The following ABI3BP variants were observed in gnomAD, a reference collection of about 807,000 sequenced individuals.
ABI3BP encodes ABI family member 3 binding protein, also known as target of Nesh-SH3.
A neutral mutation model predicts 268.6 loss-of-function variants in ABI3BP; 216 were observed. That is an observed-to-expected ratio of 0.80 (90% CI 0.72 to 0.90). ABI3BP has a LOEUF of 0.90. ABI3BP is among the 40% of genes least tolerant of loss of function. The probability of loss-of-function intolerance (pLI) is 0.00; values close to 1 mark genes in which losing one functional copy is unlikely to be tolerated. For synonymous variants in ABI3BP, 730 were observed against 730.0 expected (o/e 1.00, Z 0.00); for missense variants, 2,090 against 2,182.4 (o/e 0.96, Z 0.84).
chr3:100,943,972 A>C (rs35617051), intron 1 of ABI3BP, among the ~76,000 whole-genome samples: 15,711 of 152,162 alleles, frequency 0.1, 1,100 homozygotes, highest in Non-Finnish European at 0.15. Flanking sequence ...TCTTCTATTT[A>C]TAATAGACAA....
chr3:100,834,606 A>G, intron 29 of ABI3BP, 78 bp downstream of exon 29: 1 of 1,357,154 alleles, frequency 7.4e-7, no homozygotes, highest in Non-Finnish European at 1.0e-6. Context: ...AGTGGGTTAT[A>G]AAGTGGCATG....
intron 9 of ABI3BP, among the ~76,000 whole-genome samples, chr3:100,873,434 G>C (rs1405688260): frequency 1.3e-5 from 2 of 152,202 alleles, no homozygotes; most frequent in South Asian, 2.1e-4. Context: ...GGCAGGGAGG[G>C]AAAGGGGGAA....
At chr3:100,992,436 T>C (rs1460077620) in intron 1 of ABI3BP, among the ~76,000 whole-genome samples, 1 of 152,224 alleles carries the variant, frequency 6.6e-6, no homozygotes, top group East Asian at 1.9e-4. Context: ...TTCTGATGTT[T>C]TCCATCATGA....
At position 100,796,375 on chromosome 3, in the gene ABI3BP, C is replaced by T. The variant is rs769288343; in HGVS notation, c.3817+34G>A. ...AGAATTTTTTTTTTTGAAAAATATA[C>T]TTCTTAGCCAGAAGGATGAAATAAT... On this transcript the variant is annotated intron_variant, in intron 52 of 67. Transcript: ENST00000471714. The T allele has an allele frequency of 3.3e-6, 5 of 1,500,800 alleles. No individual in the cohort carries two copies. In the Admixed American group the frequency reaches 6.8e-5, roughly 20 times the overall value. 93.0% of individuals were successfully genotyped at this position (1,500,800 alleles called of 1,614,324 possible).
At chr3:100,843,128 T>TA (rs1394250028) in intron 20 of ABI3BP, among the ~76,000 whole-genome samples, 1 of 152,178 alleles carries the variant, frequency 6.6e-6, no homozygotes, top group Admixed American at 6.5e-5. Context: ...ATAACGCAGG[T>TA]ACAGAATTTT....
chr3:100,833,811 C>T (rs879444283), intron 29 of ABI3BP, among the ~76,000 whole-genome samples: 23 of 152,164 alleles, frequency 1.5e-4, no homozygotes, highest in African/African-American at 5.1e-4. Context: ...TCTTTGTAGA[C>T]CCATCAAAAG....
At chr3:100,914,727 A>G (rs908353899) in intron 2 of ABI3BP, among the ~76,000 whole-genome samples, 10 of 152,292 alleles carry the variant, frequency 6.6e-5, no homozygotes, top group Middle Eastern at 3.4e-3. Context: ...ACAACGTTAA[A>G]GGGGGGAAAG....
intron 4 of ABI3BP, among the ~76,000 whole-genome samples, chr3:100,893,080 G>C (rs183633597): frequency 6.6e-5 from 10 of 152,314 alleles, no homozygotes; most frequent in Admixed American, 3.9e-4. Flanking sequence ...GATAAAGCAG[G>C]CAAAAGAAGT....
chr3:100,948,751 G>A (rs752752588), intron 1 of ABI3BP, among the ~76,000 whole-genome samples: 1 of 152,030 alleles, frequency 6.6e-6, no homozygotes, highest in Non-Finnish European at 1.5e-5. Flanking sequence ...TATCCTAAAT[G>A]TTTGGGACCA....
chr3:100,991,395 C>G (rs573181447), intron 1 of ABI3BP, among the ~76,000 whole-genome samples: 7 of 152,270 alleles, frequency 4.6e-5, no homozygotes, highest in African/African-American at 1.7e-4. Flanking sequence ...AAAGAGGATT[C>G]TTAGTCAAAT....
At chr3:100,982,874 G>A (rs2090221409) in intron 1 of ABI3BP, among the ~76,000 whole-genome samples, 1 of 152,072 alleles carries the variant, frequency 6.6e-6, no homozygotes, top group South Asian at 2.1e-4. Context: ...AAAGGAGAAG[G>A]AAATTGTCCT....
intron 51 of ABI3BP, among the ~76,000 whole-genome samples, chr3:100,800,460 A>G (rs2152324820): frequency 6.6e-6 from 1 of 152,298 alleles, no homozygotes; most frequent in East Asian, 1.9e-4. Flanking sequence ...GAATGTAGTC[A>G]TTCTGAGTCA....
Position 100,901,945 on chromosome 3 carries a change from CT to C in ABI3BP, c.328+672del, listed in dbSNP as rs59618502. Among the ~76,000 whole-genome samples the C allele has an allele frequency of 4.0e-3, 616 of 152,206 alleles. 4 individuals are homozygous for C. The highest frequency in any genetic ancestry group is 0.014 in the African/African-American group (593 of 41,542). On this transcript the variant is annotated intron_variant, in intron 3 of 67. Coordinates refer to ENST00000471714, the MANE Select transcript of ABI3BP (RefSeq NM_001375547.2). ...AAATTAGACGACATAGAATTTTAAT[CT>C]TTAGTTATGTAGAAAGTTTCTACTT...
intron 59 of ABI3BP, among the ~76,000 whole-genome samples, chr3:100,776,287 G>A (rs1033132525): frequency 6.6e-6 from 1 of 152,180 alleles, no homozygotes; most frequent in African/African-American, 2.4e-5. Context: ...GTAGTCAGAA[G>A]GGCCTCTGAC....
intron 1 of ABI3BP, among the ~76,000 whole-genome samples, chr3:100,929,327 C>A (rs919875647): frequency 1.3e-5 from 2 of 152,006 alleles, no homozygotes; most frequent in Admixed American, 1.3e-4. Context: ...GAAGGCTGTT[C>A]CATTTTTCCA....
In ABI3BP at chr3:100,794,083, AC is replaced by A. The variant is rs541099745; in HGVS notation, c.3946+839del. Among the ~76,000 whole-genome samples, 289 of 151,950 alleles carry A rather than the reference AC, an allele frequency of 1.9e-3. 2 individuals carry two copies. Among genetic ancestry groups the A allele is most frequent in the Non-Finnish European group, 3.8e-3 (259 of 67,936 alleles). On this transcript the variant is annotated intron_variant, in intron 54 of 67. Transcript: ENST00000471714. Reference sequence around the variant, plus strand: ...CTTCAAAGAACCATTTGCATCTTTGACTGGTCAACTTTCATTCCAACTTGAA... The same window carrying A: ...CTTCAAAGAACCATTTGCATCTTTGATGGTCAACTTTCATTCCAACTTGAA...
In ABI3BP at chr3:100,780,222, A is replaced by G; in HGVS notation, c.4163-13T>C. ...GCTTGCTTGACCCCTATGAGCAGAGATAATGAAAGGGAATAAACATATAGC... is the reference window on the plus strand; with the variant it reads ...GCTTGCTTGACCCCTATGAGCAGAGGTAATGAAAGGGAATAAACATATAGC... On this transcript the variant is annotated splice_polypyrimidine_tract_variant and intron_variant, in intron 57 of 67. Transcript: ENST00000471714. 3 of 1,610,686 alleles carry G rather than the reference A, an allele frequency of 1.9e-6. No homozygotes were observed. The highest frequency in any genetic ancestry group is 2.5e-6 in the Non-Finnish European group (3 of 1,178,102).
chr3:100,957,228 A>G (rs1309308113), intron 1 of ABI3BP, among the ~76,000 whole-genome samples: 1 of 152,232 alleles, frequency 6.6e-6, no homozygotes, highest in Non-Finnish European at 1.5e-5. Flanking sequence ...AAAAGTTGAA[A>G]GCAGAGCTAA....
intron 1 of ABI3BP, among the ~76,000 whole-genome samples, chr3:100,953,232 A>G (rs2075718313): frequency 1.3e-5 from 2 of 152,108 alleles, no homozygotes; most frequent in Admixed American, 1.3e-4. Flanking sequence ...TTACCTTTCC[A>G]ATCCACCCTT....
Sources: gnomAD v4.1 joint callset for allele counts (sites outside exome capture counted in the v4.1 genomes callset) on GRCh38, gnomAD v4.1.1 for gene constraint, MANE v1.5 for transcripts, NCBI Gene and HGNC (gene_info 2026-07-23, HGNC 2026-07-21) for gene names.